Variants in TBKBP1 observed in about 807,000 individuals in gnomAD.
TBKBP1 encodes TANK-binding kinase 1-binding protein 1.
In TBKBP1, 47 loss-of-function variants were observed where a neutral mutation model predicts 69.9. That is an observed-to-expected ratio of 0.67 (90% CI 0.53 to 0.86). The LOEUF (loss-of-function observed/expected upper bound fraction) is 0.86. Ranked by LOEUF, TBKBP1 falls within the 40% of genes least tolerant of loss-of-function variation. The pLI is 0.00. For synonymous variants in TBKBP1, 418 were observed against 390.3 expected (o/e 1.07, Z -0.84); for missense variants, 831 against 858.6 (o/e 0.97, Z 0.40).
chr17:47,709,318 C>G lies in TBKBP1; in HGVS notation c.1585C>G (p.Pro529Ala), dbSNP rs750417681. ...QPSEEDEWAV[P>A]TSPPSPEVGT... ...GTCGGAGGAGGACGAGTGGGCTGTG[C>G]CCACCAGCCCGCCCAGCCCGGAGGT... Residue 529 changes from proline (P) to alanine (A), a missense_variant, in exon 9 of 10, where the codon CCC (proline) becomes GCC (alanine). Physicochemically the swap from Pro to Ala is conservative, Grantham distance 27. Coordinates refer to ENST00000578982, the MANE Select transcript of TBKBP1 (RefSeq NM_001394755.1). 3.3e-6 allele frequency: 5 copies of G among 1,527,668 alleles called. No individual in the cohort carries two copies. In the Admixed American group the frequency reaches 7.8e-5, roughly 24 times the overall value. 94.6% of individuals were successfully genotyped at this position (1,527,668 alleles called of 1,614,324 possible).
At chr17:47,703,743 T>A (rs2031603472) in intron 7 of TBKBP1, among the ~76,000 whole-genome samples, 1 of 151,932 alleles carries the variant, frequency 6.6e-6, no homozygotes, top group Admixed American at 6.6e-5. Context: ...CCCTGAAATT[T>A]TTTTTTTTTT....
rs2031801934 is a variant in TBKBP1, at chr17:47,708,919, C to T, written c.1186C>T (p.Pro396Ser). Reference sequence around the variant, plus strand: ...CTCACCCTCCTGCCCGTCGCCCGTCCCGCAGCGCCGCTCGCCGGTGCCGCC... The same window carrying T: ...CTCACCCTCCTGCCCGTCGCCCGTCTCGCAGCGCCGCTCGCCGGTGCCGCC... ...PASPSCPSPVPQRRSPVPPSC... is the reference protein window; with the variant it reads ...PASPSCPSPVSQRRSPVPPSC... Residue 396 changes from proline (P) to serine (S), a missense_variant, in exon 9 of 10, where the codon CCG becomes TCG. Coordinates refer to ENST00000578982, the MANE Select transcript of TBKBP1 (RefSeq NM_001394755.1). The surrounding 1 kb of genome is among the most constrained non-coding windows in gnomAD (Gnocchi z 4.4). 3 of 1,324,514 alleles carry T rather than the reference C, an allele frequency of 2.3e-6. No homozygotes were observed. The highest frequency in any genetic ancestry group is 2.9e-6 in the Non-Finnish European group (3 of 1,033,278). 82.0% of individuals were successfully genotyped at this position (1,324,514 alleles called of 1,614,324 possible).
At chr17:47,696,875 C>T (rs768222983) in intron 3 of TBKBP1, 42 bp downstream of exon 3, 168 of 1,606,988 alleles carry the variant, frequency 1.0e-4, no homozygotes, top group Non-Finnish European at 1.3e-4. Context: ...GCATCTTGCT[C>T]CAGTCTGTTT....
At position 47,706,113 on chromosome 17, in the gene TBKBP1, G is replaced by A. The variant is rs151276275; in HGVS notation, c.873-2281G>A. 7.5e-3 allele frequency among the ~76,000 whole-genome samples: 1,146 copies of A among 152,258 alleles called. 11 individuals carry two copies. The highest frequency in any genetic ancestry group is 0.026 in the African/African-American group (1,087 of 41,524). On this transcript the variant is annotated intron_variant, in intron 7 of 9. Transcript: ENST00000578982. ...GTGTGGCAGGTGAAATCTCTGAGGC[G>A]GGGTGTGAAGACGACGACCTGTATC... is the stretch of plus-strand genomic sequence containing the variant.
chr17:47,710,011 G>A (rs965269133), intron 9 of TBKBP1, among the ~76,000 whole-genome samples: 1 of 152,152 alleles, frequency 6.6e-6, no homozygotes, highest in Non-Finnish European at 1.5e-5. Flanking sequence ...CAGAGCCCTT[G>A]CCCTTTTCTG....
chr17:47,699,887 A>T (rs2031423457), intron 7 of TBKBP1, among the ~76,000 whole-genome samples, 190 bp downstream of exon 7: 1 of 146,914 alleles, frequency 6.8e-6, no homozygotes, highest in Non-Finnish European at 1.5e-5. Context: ...CAATGGCGTG[A>T]TCTTGGCTCA....
chr17:47,698,070 C>A (rs557449772), intron 4 of TBKBP1, among the ~76,000 whole-genome samples: 1 of 151,900 alleles, frequency 6.6e-6, no homozygotes, highest in African/African-American at 2.4e-5. Context: ...AATATTAACA[C>A]CCTCACCAGG....
chr17:47,699,206 A>T, intron 5 of TBKBP1, 114 bp from the exon 6 acceptor site: 1 of 1,174,434 alleles, frequency 8.5e-7, no homozygotes, highest in Non-Finnish European at 1.1e-6. Context: ...CTCCTTGGCT[A>T]GCTGTCCTGG....
chr17:47,706,126 G>A (rs532222567), intron 7 of TBKBP1, among the ~76,000 whole-genome samples: 7 of 152,286 alleles, frequency 4.6e-5, no homozygotes, highest in African/African-American at 1.7e-4. Context: ...GTGTGAAGAC[G>A]ACGACCTGTA....
chr17:47,702,881 C>T (rs2031558259), intron 7 of TBKBP1, among the ~76,000 whole-genome samples: 1 of 151,640 alleles, frequency 6.6e-6, no homozygotes, highest in Admixed American at 6.6e-5. Context: ...AGGTGGAAGG[C>T]GCAGCACCCA....
chr17:47,696,092 G>T lies in TBKBP1; in HGVS notation c.-21G>T. On this transcript the variant is annotated 5_prime_UTR_variant, in exon 2 of 10. Coordinates refer to ENST00000578982, the MANE Select transcript of TBKBP1 (RefSeq NM_001394755.1). ...CTGCTCTCCTAGGAGGCCCCGTGTG[G>T]GCCGCGGCCCGGCCCTCACCATGGA... 6.3e-7 allele frequency: 1 copy of T among 1,589,814 alleles called. No homozygotes were observed. Among genetic ancestry groups the T allele is most frequent in the Non-Finnish European group, 8.6e-7 (1 of 1,169,100 alleles).
intron 7 of TBKBP1, among the ~76,000 whole-genome samples, chr17:47,706,091 T>C (rs923156378): frequency 1.3e-5 from 2 of 152,086 alleles, no homozygotes; most frequent in African/African-American, 2.4e-5. Flanking sequence ...GAACTGAGTG[T>C]GGCAGGTGAA....
chr17:47,696,069 G>A lies in TBKBP1; in HGVS notation c.-34-10G>A, dbSNP rs369558302. 137 of 1,509,974 alleles carry A rather than the reference G, an allele frequency of 9.1e-5. No homozygotes were observed. The Middle Eastern group carries it at 2.9e-3, about 32-fold the overall frequency. 93.5% of individuals were successfully genotyped at this position (1,509,974 alleles called of 1,614,324 possible). On this transcript the variant is annotated splice_polypyrimidine_tract_variant and intron_variant, in intron 1 of 9. Coordinates refer to ENST00000578982, the MANE Select transcript of TBKBP1 (RefSeq NM_001394755.1). ...GACGGCCCTGTCCACGGTTGCTCCT[G>A]CTCTCCTAGGAGGCCCCGTGTGGGC...
chr17:47,696,254 T>C lies in TBKBP1; in HGVS notation c.142T>C (p.Tyr48His). The change falls in exon 2 of 10, where the codon TAC becomes CAC. Residue 48 changes from tyrosine (Y) to histidine (H), a missense_variant. Coordinates refer to ENST00000578982, the MANE Select transcript of TBKBP1 (RefSeq NM_001394755.1). ...CTCCCACTTTGCCCTCATCACTGCT[T>C]ACGGAGACATCAAGGAACGGCTGGG... ...SASHFALITA[Y>H]GDIKERLGGL... is the part of the protein sequence containing the mutation. 2 of 1,613,668 alleles carry C rather than the reference T, an allele frequency of 1.2e-6. No homozygotes were observed. Among genetic ancestry groups the C allele is most frequent in the Admixed American group, 1.7e-5 (1 of 60,020 alleles).
chr17:47,694,975 G>T (rs1033990640), intron 1 of TBKBP1, among the ~76,000 whole-genome samples: 6 of 152,060 alleles, frequency 3.9e-5, no homozygotes, highest in Non-Finnish European at 8.8e-5. Flanking sequence ...CCCGCTGTCT[G>T]AACTCACAGC....
intron 7 of TBKBP1, among the ~76,000 whole-genome samples, chr17:47,700,011 G>A (rs1357200166): frequency 6.8e-6 from 1 of 147,584 alleles, no homozygotes; most frequent in South Asian, 2.2e-4. Context: ...TTTTTGAGAC[G>A]GAGTCTTGCT....
chr17:47,701,941 C>T (rs1252184193), intron 7 of TBKBP1, among the ~76,000 whole-genome samples: 1 of 152,224 alleles, frequency 6.6e-6, no homozygotes, highest in Non-Finnish European at 1.5e-5. Flanking sequence ...TAGGCTCTGC[C>T]TCCAGCCTCC....
chr17:47,694,905 G>C (rs998250640), intron 1 of TBKBP1, among the ~76,000 whole-genome samples: 15 of 148,208 alleles, frequency 1.0e-4, no homozygotes, highest in Non-Finnish European at 2.1e-4. Context: ...GGGGTGGATT[G>C]AATTGGAGCC....
chr17:47,700,568 C>T lies in TBKBP1; in HGVS notation c.872+871C>T, dbSNP rs546058830. On this transcript the variant is annotated intron_variant, in intron 7 of 9. Coordinates refer to ENST00000578982, the MANE Select transcript of TBKBP1 (RefSeq NM_001394755.1). Reference sequence around the variant, plus strand: ...CATTTTCTATTCCAGTGACAAGGCCCGGCCAGTTGGGTTCACCCTCCCCTC... The same window carrying T: ...CATTTTCTATTCCAGTGACAAGGCCTGGCCAGTTGGGTTCACCCTCCCCTC... 2.2e-4 allele frequency among the ~76,000 whole-genome samples: 34 copies of T among 151,994 alleles called. No individual in the cohort carries two copies. In the South Asian group the frequency reaches 6.6e-3, roughly 30 times the overall value.
Sources: gnomAD v4.1 joint callset for allele counts (sites outside exome capture counted in the v4.1 genomes callset) on GRCh38, gnomAD v4.1.1 for gene constraint, Gnocchi (gnomAD v3.1) non-coding constraint, MANE v1.5 for transcripts, NCBI Gene and HGNC (gene_info 2026-07-23, HGNC 2026-07-21) for gene names.